The following SLC4A10 variants were observed in gnomAD, a reference collection of about 807,000 sequenced individuals.
SLC4A10 encodes the protein solute carrier family 4 member 10.
A neutral mutation model predicts 137.7 loss-of-function variants in SLC4A10; 42 were observed. That is an observed-to-expected ratio of 0.30 (90% CI 0.24 to 0.39). The LOEUF (loss-of-function observed/expected upper bound fraction) is 0.39. Among genes scored for constraint, SLC4A10 ranks in the 10% least tolerant of loss-of-function variants. The probability of loss-of-function intolerance (pLI) is 1.00; values close to 1 mark genes in which losing one functional copy is unlikely to be tolerated. For synonymous variants in SLC4A10, 474 were observed against 464.1 expected, an observed-to-expected ratio of 1.02 and a Z score of -0.27; for missense variants, 925 against 1,355.0, an observed-to-expected ratio of 0.68 and a Z score of 4.98.
chr2:161,739,099 T>G (rs1395176851), intron 1 of SLC4A10, among the ~76,000 whole-genome samples: 2 of 152,068 alleles, frequency 1.3e-5, no homozygotes, highest in Non-Finnish European at 2.9e-5. Flanking sequence ...CTAGGACCAC[T>G]GCATCAAGTG....
chr2:161,668,425 G>A (rs150097457), intron 1 of SLC4A10, among the ~76,000 whole-genome samples: 152 of 151,870 alleles, frequency 1.0e-3, no homozygotes, highest in African/African-American at 3.4e-3. Context: ...GAGCCAGAGA[G>A]TGGATTATAC....
At chr2:161,767,137 A>ATGTG (rs1224145795) in intron 1 of SLC4A10, among the ~76,000 whole-genome samples, 7 of 85,936 alleles carry the variant, frequency 8.1e-5, no homozygotes, top group African/African-American at 2.7e-4. Flanking sequence ...ATATATATAT[A>ATGTG]TATGTGTGTG....
chr2:161,964,005 C>G (rs1313429871), intron 21 of SLC4A10, 130 bp from the exon 22 acceptor site: 2 of 649,330 alleles, frequency 3.1e-6, no homozygotes, highest in Non-Finnish European at 5.1e-6. Context: ...GTCTTGATGC[C>G]GAGATATCAA....
chr2:161,795,359 T>C (rs952573053), intron 2 of SLC4A10, among the ~76,000 whole-genome samples: 6 of 152,108 alleles, frequency 3.9e-5, no homozygotes, highest in African/African-American at 1.4e-4. Context: ...TGTATGGCTT[T>C]GGGGCAATTG....
chr2:161,777,761 TCACAG>T (rs1460698377), intron 2 of SLC4A10, among the ~76,000 whole-genome samples: 1 of 151,972 alleles, frequency 6.6e-6, no homozygotes, highest in Non-Finnish European at 1.5e-5. Context: ...TGGGTTCCTT[TCACAG>T]CATATGGGAT....
intron 1 of SLC4A10, among the ~76,000 whole-genome samples, chr2:161,672,499 G>A (rs965446200): frequency 2.0e-5 from 3 of 149,684 alleles, no homozygotes. Context: ...ACAAGACCCT[G>A]TCTAAAAAAA....
intron 1 of SLC4A10, among the ~76,000 whole-genome samples, chr2:161,681,678 G>A (rs912336176): frequency 6.6e-6 from 1 of 152,092 alleles, no homozygotes; most frequent in African/African-American, 2.4e-5. Context: ...TTCATCTGCA[G>A]GACATTTACA....
intron 1 of SLC4A10, among the ~76,000 whole-genome samples, chr2:161,756,215 A>C (rs1016800345): frequency 7.2e-5 from 11 of 152,192 alleles, no homozygotes; most frequent in African/African-American, 2.7e-4. Flanking sequence ...TGCTTTTGTT[A>C]AATTTTCCAG....
chr2:161,775,330 A>G (rs1355154329), intron 2 of SLC4A10, among the ~76,000 whole-genome samples: 4 of 151,896 alleles, frequency 2.6e-5, no homozygotes, highest in African/African-American at 9.7e-5. Context: ...AAAAAGGAGT[A>G]CCAGGGGTAG....
chr2:161,780,316 A>C (rs548284433), intron 2 of SLC4A10, among the ~76,000 whole-genome samples: 1 of 152,162 alleles, frequency 6.6e-6, no homozygotes, highest in African/African-American at 2.4e-5. Context: ...ACAGTCATAA[A>C]TATTAGAAGG....
chr2:161,950,166 A>G (rs1379289236), intron 18 of SLC4A10, among the ~76,000 whole-genome samples: 1 of 152,082 alleles, frequency 6.6e-6, no homozygotes, highest in Non-Finnish European at 1.5e-5. Context: ...TTACAATACC[A>G]TAATGATGTA....
intron 1 of SLC4A10, among the ~76,000 whole-genome samples, chr2:161,758,953 A>G (rs1307915470): frequency 2.0e-5 from 3 of 152,072 alleles, no homozygotes; most frequent in South Asian, 4.1e-4. Flanking sequence ...TTAATTTAAA[A>G]TTTCAAGTAT....
intron 2 of SLC4A10, among the ~76,000 whole-genome samples, chr2:161,801,855 T>C (rs541195322): frequency 1.3e-5 from 2 of 152,132 alleles, no homozygotes. Context: ...AGTACTTTTT[T>C]TAAAGGTTGC....
intron 4 of SLC4A10, among the ~76,000 whole-genome samples, chr2:161,846,030 G>T (rs1179209808): frequency 6.6e-6 from 1 of 152,052 alleles, no homozygotes; most frequent in Non-Finnish European, 1.5e-5. Context: ...CTGTTAAGTG[G>T]ATGAAAAGGC....
At chr2:161,805,906 C>T (rs1206012202) in intron 3 of SLC4A10, among the ~76,000 whole-genome samples, 1 of 152,194 alleles carries the variant, frequency 6.6e-6, no homozygotes, top group Non-Finnish European at 1.5e-5. Flanking sequence ...TCTGTGGGGG[C>T]TGTAACCCCA....
intron 16 of SLC4A10, among the ~76,000 whole-genome samples, chr2:161,947,186 G>T (rs774056873): frequency 6.6e-6 from 1 of 152,002 alleles, no homozygotes; most frequent in Non-Finnish European, 1.5e-5. Flanking sequence ...TTTAAATGAT[G>T]TATTTAAATA....
chr2:161,977,851 T>G, intron 26 of SLC4A10, 91 bp downstream of exon 26: 5 of 1,273,068 alleles, frequency 3.9e-6, no homozygotes, highest in Non-Finnish European at 5.3e-6. Flanking sequence ...ATGTCCTCTG[T>G]GTGAGTTTTG....
intron 1 of SLC4A10, among the ~76,000 whole-genome samples, chr2:161,742,967 A>G (rs1214900736): frequency 1.3e-5 from 2 of 152,090 alleles, no homozygotes; most frequent in African/African-American, 2.4e-5. Flanking sequence ...TTAGATTATT[A>G]GATTTTTTTT....
chr2:161,707,709 G>A (rs951072082), intron 1 of SLC4A10, among the ~76,000 whole-genome samples: 3 of 151,402 alleles, frequency 2.0e-5, no homozygotes, highest in African/African-American at 4.8e-5. Flanking sequence ...TTCATTACTA[G>A]ACTTAACCGT....
Sources: gnomAD v4.1 joint callset for allele counts (sites outside exome capture counted in the v4.1 genomes callset) on GRCh38, gnomAD v4.1.1 for gene constraint, MANE v1.5 for transcripts, NCBI Gene and HGNC (gene_info 2026-07-23, HGNC 2026-07-21) for gene names.